ABHD2: variants seen among roughly 807,000 people sequenced by gnomAD.
ABHD2 encodes the protein abhydrolase domain containing 2, acylglycerol lipase.
Under a neutral mutation model 48.1 loss-of-function variants are expected in ABHD2, and 20 were observed. That is an observed-to-expected ratio of 0.42 (90% confidence interval 0.29 to 0.60). The LOEUF (loss-of-function observed/expected upper bound fraction) is 0.60, where lower values mean the gene tolerates loss of function less well. ABHD2 is among the 20% of genes least tolerant of loss of function. The pLI is 0.24. For synonymous variants in ABHD2, 209 were observed against 214.2 expected, an observed-to-expected ratio of 0.98 and a Z score of 0.21; for missense variants, 405 against 550.9, an observed-to-expected ratio of 0.74 and a Z score of 2.65.
intron 1 of ABHD2, among the ~76,000 whole-genome samples, chr15:89,098,627 G>C (rs1286701030): frequency 6.6e-6 from 1 of 152,172 alleles, no homozygotes; most frequent in Non-Finnish European, 1.5e-5. Context: ...TAAATAAAGT[G>C]CTTGCTCATT....
intron 5 of ABHD2, among the ~76,000 whole-genome samples, chr15:89,160,756 G>A (rs11073843): frequency 0.39 from 58,643 of 151,910 alleles, 12,001 homozygotes; most frequent in East Asian, 0.78. Context: ...AGGGTAGGAA[G>A]AGTGTGGCTC....
At chr15:89,065,569 A>G in the ABHD2 span, among the ~76,000 whole-genome samples, 1 of 152,168 alleles carries the variant, frequency 6.6e-6, no homozygotes, top group Non-Finnish European at 1.5e-5. Context: ...TAGACATTAC[A>G]TTGTTTTAAT....
At position 89,177,043 on chromosome 15, in the gene ABHD2, G is replaced by A. The variant is rs866743207; in HGVS notation, c.722+1048G>A. ...AAGACACATGTGGGCCCAGGATTCA[G>A]CCTCTCCCTATGAGGCTTAAAGCTG... On this transcript the variant is annotated intron_variant, in intron 6 of 10. Transcript: ENST00000352732. This position sits in a 1 kb window ranked among gnomAD's most constrained non-coding sequence, Gnocchi z 5.6. Among the ~76,000 whole-genome samples the A allele has an allele frequency of 6.6e-6, 1 of 152,188 alleles. No individual in the cohort carries two copies. The highest frequency in any genetic ancestry group is 1.5e-5 in the Non-Finnish European group (1 of 68,032).
At chr15:89,052,969 CT>C in the ABHD2 span, among the ~76,000 whole-genome samples, 939 of 138,300 alleles carry the variant, frequency 6.8e-3, 3 homozygotes, top group African/African-American at 0.016. Flanking sequence ...TGGTGGGCAG[CT>C]TTTTTTTTTT....
intron 5 of ABHD2, among the ~76,000 whole-genome samples, chr15:89,157,097 A>G (rs2050686848): frequency 6.6e-6 from 1 of 152,202 alleles, no homozygotes; most frequent in Admixed American, 6.5e-5. Context: ...TAAGAGCCAC[A>G]TTGCTGTTAC....
chr15:89,120,078 G>GA lies in ABHD2; in HGVS notation c.194+3564dup, dbSNP rs1019293324. 3.9e-5 allele frequency among the ~76,000 whole-genome samples: 6 copies of GA among 152,174 alleles called. No homozygotes were observed. Among genetic ancestry groups the GA allele is most frequent in the African/African-American group, 1.2e-4 (5 of 41,466 alleles). On this transcript the variant is annotated intron_variant, in intron 3 of 10. Coordinates refer to ENST00000352732, the MANE Select transcript of ABHD2 (RefSeq NM_152924.5). The surrounding 1 kb of genome is among the most constrained non-coding windows in gnomAD (Gnocchi z 4.2). Reference sequence around the variant, plus strand: ...CGTGTCTTCTTACTGTTCTGGTATAGAAAAAAAGTTGATGAAAGGTGAACA... The same window carrying GA: ...CGTGTCTTCTTACTGTTCTGGTATAGAAAAAAAAGTTGATGAAAGGTGAACA...
rs184637482 is a variant in ABHD2, at chr15:89,188,200, C to G, written c.823C>G (p.Leu275Val). ...KKIILSHRQA[L>V]FGDHVKKPQS... is the part of the protein sequence containing the mutation. ...CTTTTGTGTTTGCTCTAGGCAAGCTCTTTTTGGAGACCATGTTAAGAAACC... is the reference window on the plus strand; with the variant it reads ...CTTTTGTGTTTGCTCTAGGCAAGCTGTTTTTGGAGACCATGTTAAGAAACC... The change falls in exon 8 of 11, where the codon CTT (leucine) becomes GTT (valine). Residue 275 changes from leucine to valine, a missense_variant. Transcript: ENST00000352732. This position sits in a 1 kb window ranked among gnomAD's most constrained non-coding sequence, Gnocchi z 4.1. 1 of 1,614,168 alleles carries G rather than the reference C, an allele frequency of 6.2e-7. No homozygotes were observed.
chr15:89,183,379 AAAAAAATAT>A (rs1196471959), intron 6 of ABHD2: 2 of 72,254 alleles, frequency 2.8e-5, no homozygotes, highest in African/African-American at 8.7e-5. Context: ...AAAAAAAAAA[AAAAAAATAT>A]ATATATATAT....
chr15:89,169,550 G>A (rs925888958), intron 5 of ABHD2, among the ~76,000 whole-genome samples: 1 of 152,192 alleles, frequency 6.6e-6, no homozygotes. Flanking sequence ...TAAAGATATA[G>A]TTAGCTAAGA....
intron 3 of ABHD2, among the ~76,000 whole-genome samples, chr15:89,126,386 C>T (rs1596088726): frequency 1.3e-5 from 2 of 152,324 alleles, no homozygotes; most frequent in East Asian, 3.9e-4. Context: ...TATACTCCTT[C>T]TCAATGTGTG....
At chr15:89,069,674 C>CTTTTTTTTTTTTTTTTTTTTTT in the ABHD2 span, among the ~76,000 whole-genome samples, 17 of 52,902 alleles carry the variant, frequency 3.2e-4, 4 homozygotes, top group African/African-American at 7.4e-4. Context: ...TTCATTTACT[C>CTTTTTTTTTTTTTTTTTTTTTT]TTTTTTTTTT....
intron 7 of ABHD2, among the ~76,000 whole-genome samples, chr15:89,187,666 C>A (rs1463523119): frequency 6.6e-6 from 1 of 152,178 alleles, no homozygotes; most frequent in Non-Finnish European, 1.5e-5. Flanking sequence ...TGATTGCTCT[C>A]CTGAATAGAT....
At position 89,155,639 on chromosome 15, in the gene ABHD2, C is replaced by A; in HGVS notation, c.538+105C>A. The A allele has an allele frequency of 7.3e-7, 1 of 1,374,236 alleles. No homozygotes were observed. The allele number at this position is 1,374,236 out of a possible 1,614,324, so 85.1% of individuals were successfully genotyped here. A position where few individuals can be genotyped will look rare whatever the true frequency, so the allele number is the denominator to read the frequency against. ...TAAGTTTTAAACCTATGCCCATCTG[C>A]AAGAGATGGTAGGTCACACGGTTAT... is the stretch of plus-strand genomic sequence containing the variant. On this transcript the variant is annotated intron_variant, in intron 5 of 10. Coordinates refer to ENST00000352732, the MANE Select transcript of ABHD2 (RefSeq NM_152924.5). The surrounding 1 kb of genome is among the most constrained non-coding windows in gnomAD (Gnocchi z 4.9).
At chr15:89,064,340 C>T in the ABHD2 span, among the ~76,000 whole-genome samples, 1 of 151,678 alleles carries the variant, frequency 6.6e-6, no homozygotes. Flanking sequence ...CTGCCTCAGC[C>T]TCCTGAGTAG....
chr15:89,064,532 T>C, the ABHD2 span, among the ~76,000 whole-genome samples: 3 of 152,236 alleles, frequency 2.0e-5, no homozygotes, highest in African/African-American at 7.2e-5. Context: ...CCGGCCAACA[T>C]TGTGTTCTTA....
intron 3 of ABHD2, among the ~76,000 whole-genome samples, chr15:89,117,658 A>T (rs1288990958): frequency 2.0e-5 from 3 of 152,196 alleles, no homozygotes; most frequent in Admixed American, 6.5e-5. Context: ...CGTTCAGCAC[A>T]TGACTAATGC....
chr15:89,099,477 G>A (rs919855536), intron 1 of ABHD2, among the ~76,000 whole-genome samples: 1 of 152,136 alleles, frequency 6.6e-6, no homozygotes, highest in South Asian at 2.1e-4. Context: ...GCCAAGTGTG[G>A]TGGCACATAC....
the ABHD2 span, among the ~76,000 whole-genome samples, chr15:89,074,334 A>C: frequency 9.4e-3 from 1,422 of 152,080 alleles, 15 homozygotes; most frequent in Non-Finnish European, 0.012. Context: ...AGAGATCATG[A>C]CACTGCATCC....
At chr15:89,096,120 AC>A (rs2049609472) in intron 1 of ABHD2, among the ~76,000 whole-genome samples, 1 of 152,220 alleles carries the variant, frequency 6.6e-6, no homozygotes, top group Middle Eastern at 3.2e-3. Context: ...GTCACACTGT[AC>A]CTGTCAGTGT....
Sources: gnomAD v4.1 joint callset for allele counts (sites outside exome capture counted in the v4.1 genomes callset) on GRCh38, gnomAD v4.1.1 for gene constraint, Gnocchi (gnomAD v3.1) non-coding constraint, MANE v1.5 for transcripts, NCBI Gene and HGNC (gene_info 2026-07-23, HGNC 2026-07-21) for gene names.